TENM2: variants seen among roughly 807,000 people sequenced by gnomAD.
TENM2 encodes teneurin transmembrane protein 2.
A neutral mutation model predicts 245.2 loss-of-function variants in TENM2; 52 were observed. The ratio of observed to expected loss-of-function variants is 0.21; its 90% CI spans 0.17 to 0.27. The LOEUF is 0.27. Ranked by LOEUF, TENM2 falls within the 10% of genes least tolerant of loss-of-function variation. The pLI is 1.00. For missense variants in TENM2, 3,046 were observed against 3,666.8 expected (o/e 0.83, Z 4.37); for synonymous variants, 1,363 against 1,438.9 (o/e 0.95, Z 1.19).
chr5:167,341,774 A>C (rs1758113065), intron 1 of TENM2, among the ~76,000 whole-genome samples: 2 of 152,118 alleles, frequency 1.3e-5, no homozygotes, highest in South Asian at 4.1e-4. Flanking sequence ...TCTGAACTAA[A>C]GAATGGCTCC....
chr5:167,258,201 ATATATATATATATGTATATATATATGTG>A, the TENM2 span, among the ~76,000 whole-genome samples: 2 of 126,766 alleles, frequency 1.6e-5, no homozygotes, highest in Admixed American at 7.5e-5. Flanking sequence ...GTGTTGCCAT[ATATATATATATATGTATATATATATGTG>A]TATATATATA....
chr5:167,774,364 G>A (rs971910549), intron 2 of TENM2, among the ~76,000 whole-genome samples: 1 of 152,174 alleles, frequency 6.6e-6, no homozygotes. Context: ...CAAGATCACA[G>A]TTAACACCCC....
chr5:167,837,656 T>C (rs970522899), intron 2 of TENM2, among the ~76,000 whole-genome samples: 11 of 152,232 alleles, frequency 7.2e-5, no homozygotes, highest in African/African-American at 2.4e-4. Flanking sequence ...ATATTCTTAT[T>C]TGCACAGTTA....
At chr5:167,970,867 G>A (rs1781724978) in intron 4 of TENM2, among the ~76,000 whole-genome samples, 1 of 151,924 alleles carries the variant, frequency 6.6e-6, no homozygotes, top group South Asian at 2.1e-4. Flanking sequence ...TGGCACACAT[G>A]CATTTAAACC....
chr5:167,793,224 A>G (rs953772378), intron 2 of TENM2, among the ~76,000 whole-genome samples: 1 of 152,160 alleles, frequency 6.6e-6, no homozygotes, highest in African/African-American at 2.4e-5. Context: ...TCTGAACTCC[A>G]CTACTTCCTA....
At chr5:167,280,764 A>ATCTG (rs1771003266), upstream of TENM2, among the ~76,000 whole-genome samples, 2 of 114,784 alleles carry the variant, frequency 1.7e-5, no homozygotes, top group Non-Finnish European at 3.5e-5. Context: ...CTGTCTATCT[A>ATCTG]TCTATCTATC....
intron 2 of TENM2, among the ~76,000 whole-genome samples, chr5:167,798,541 G>A (rs202177750): frequency 2.0e-5 from 3 of 152,276 alleles, no homozygotes; most frequent in East Asian, 1.9e-4. Context: ...TGTGCAGTTC[G>A]AGGAAAGCCC....
At chr5:167,919,613 A>AG (rs1256121875) in intron 3 of TENM2, among the ~76,000 whole-genome samples, 3 of 152,206 alleles carry the variant, frequency 2.0e-5, no homozygotes, top group Admixed American at 6.5e-5. Context: ...TTGACCTAAG[A>AG]GGAAAAATGC....
chr5:168,188,715 A>AG (rs1760692715), intron 13 of TENM2, among the ~76,000 whole-genome samples: 1 of 152,180 alleles, frequency 6.6e-6, no homozygotes, highest in Admixed American at 6.5e-5. Flanking sequence ...TGGTTTTTAA[A>AG]TCGTATTGTG....
chr5:167,952,251 C>T (rs964045414), intron 3 of TENM2: 7 of 395,980 alleles, frequency 1.8e-5, no homozygotes, highest in African/African-American at 1.4e-4. Flanking sequence ...TAGGGACTTG[C>T]TACGCCAGCG....
the TENM2 span, among the ~76,000 whole-genome samples, chr5:167,021,303 A>G: frequency 6.6e-6 from 1 of 152,246 alleles, no homozygotes; most frequent in African/African-American, 2.4e-5. Flanking sequence ...AAGTCATTAT[A>G]TATGTGAGTT....
At chr5:167,136,758 A>G in the TENM2 span, among the ~76,000 whole-genome samples, 3 of 152,084 alleles carry the variant, frequency 2.0e-5, no homozygotes, top group African/African-American at 7.2e-5. Flanking sequence ...GCCCACCCTA[A>G]TCTCATAATG....
chr5:167,489,782 A>G (rs187663274), intron 2 of TENM2, among the ~76,000 whole-genome samples: 1 of 152,186 alleles, frequency 6.6e-6, no homozygotes, highest in African/African-American at 2.4e-5. Flanking sequence ...TTGCCATTAT[A>G]CTATATATGT....
chr5:167,472,705 G>A (rs968127965), intron 2 of TENM2, among the ~76,000 whole-genome samples: 10 of 152,074 alleles, frequency 6.6e-5, no homozygotes, highest in African/African-American at 2.4e-4. Context: ...AAAATTAAAA[G>A]TTAGAAAAAA....
At chr5:167,617,583 C>G (rs951234683) in intron 2 of TENM2, among the ~76,000 whole-genome samples, 1 of 152,140 alleles carries the variant, frequency 6.6e-6, no homozygotes, top group Non-Finnish European at 1.5e-5. Context: ...TGTCACCAGC[C>G]TTTTGCAGAC....
intron 5 of TENM2, among the ~76,000 whole-genome samples, chr5:168,043,331 C>CTCT (rs1788355284): frequency 6.6e-6 from 1 of 151,978 alleles, no homozygotes; most frequent in African/African-American, 2.4e-5. Flanking sequence ...TCAGGCAATC[C>CTCT]TCTTGCCTCA....
At chr5:167,805,169 C>T (rs960964165) in intron 2 of TENM2, among the ~76,000 whole-genome samples, 5 of 152,108 alleles carry the variant, frequency 3.3e-5, no homozygotes, top group African/African-American at 9.7e-5. Flanking sequence ...GTGGTCTCTC[C>T]CTCAGCTAAC....
At chr5:168,108,848 C>T (rs1269941979) in intron 9 of TENM2, among the ~76,000 whole-genome samples, 4 of 151,976 alleles carry the variant, frequency 2.6e-5, no homozygotes, top group Non-Finnish European at 4.4e-5. Flanking sequence ...AGACATCTTC[C>T]TCTGCACCGC....
intron 2 of TENM2, among the ~76,000 whole-genome samples, chr5:167,765,847 T>G (rs1013208861): frequency 6.6e-6 from 1 of 152,200 alleles, no homozygotes; most frequent in East Asian, 1.9e-4. Context: ...TCATGGTGCC[T>G]GCTACCATAT....
Sources: allele counts gnomAD v4.1 joint callset (sites outside exome capture counted in the v4.1 genomes callset), GRCh38; gene constraint gnomAD v4.1.1; transcripts MANE v1.5; gene names NCBI Gene and HGNC (gene_info 2026-07-23, HGNC 2026-07-21).